IGSF21: variants seen among roughly 807,000 people sequenced by gnomAD.
The protein encoded by IGSF21 is immunoglobin superfamily member 21.
Under a neutral mutation model 46.8 loss-of-function variants are expected in IGSF21, and 28 were observed. The ratio of observed to expected loss-of-function variants is 0.60; its 90% confidence interval spans 0.44 to 0.82. The LOEUF is 0.82. Among genes scored for constraint, IGSF21 ranks in the 40% least tolerant of loss-of-function variants. The probability of loss-of-function intolerance (pLI) is 0.00; values close to 1 mark genes in which losing one functional copy is unlikely to be tolerated. For synonymous variants in IGSF21, 284 were observed against 273.6 expected, an observed-to-expected ratio of 1.04 and a Z score of -0.38; for missense variants, 624 against 665.5, an observed-to-expected ratio of 0.94 and a Z score of 0.69.
chr1:18,312,188 A>G (rs1569786959), intron 3 of IGSF21, among the ~76,000 whole-genome samples: 1 of 152,178 alleles, frequency 6.6e-6, no homozygotes, highest in Admixed American at 6.5e-5. Context: ...CATCTTTAGC[A>G]CCTGGTAGGT....
At chr1:18,212,841 C>G (rs1195070146) in intron 1 of IGSF21, among the ~76,000 whole-genome samples, 1 of 124,098 alleles carries the variant, frequency 8.1e-6, no homozygotes, top group Non-Finnish European at 1.9e-5. Context: ...AGGATTGACC[C>G]AGGGTTAAGA....
At chr1:18,169,293 A>G (rs150530416) in intron 1 of IGSF21, among the ~76,000 whole-genome samples, 3 of 152,318 alleles carry the variant, frequency 2.0e-5, no homozygotes, top group Non-Finnish European at 4.4e-5. Context: ...CTGAGGGTGG[A>G]GGAAGAGCAG....
chr1:18,338,899 G>C (rs949277193), intron 4 of IGSF21, among the ~76,000 whole-genome samples: 3 of 151,856 alleles, frequency 2.0e-5, no homozygotes, highest in Non-Finnish European at 4.4e-5. Context: ...TGCAGGTTAG[G>C]GGGGAGGGAG....
chr1:18,189,135 C>G (rs2086931454), intron 1 of IGSF21, among the ~76,000 whole-genome samples: 2 of 152,206 alleles, frequency 1.3e-5, no homozygotes, highest in African/African-American at 4.8e-5. Context: ...GGCAGCAGGC[C>G]CAAGGCCTCA....
intron 1 of IGSF21, among the ~76,000 whole-genome samples, chr1:18,151,967 C>T (rs1404410872): frequency 6.6e-6 from 1 of 152,124 alleles, no homozygotes; most frequent in Admixed American, 6.5e-5. Context: ...CACGTGGTCA[C>T]CCTACTCATC....
At chr1:18,277,701 G>T (rs1346472947) in intron 2 of IGSF21, among the ~76,000 whole-genome samples, 1 of 152,078 alleles carries the variant, frequency 6.6e-6, no homozygotes, top group East Asian at 1.9e-4. Context: ...GTGATTAAAA[G>T]GAATAAACCA....
chr1:18,350,521 C>T (rs1329140202), intron 4 of IGSF21, among the ~76,000 whole-genome samples: 1 of 152,160 alleles, frequency 6.6e-6, no homozygotes, highest in African/African-American at 2.4e-5. Context: ...ATCAAGCAAA[C>T]GCAGTTCAAT....
intron 1 of IGSF21, among the ~76,000 whole-genome samples, chr1:18,154,165 T>TATCGCCTTCACC (rs1553149709): frequency 4.6e-5 from 7 of 152,146 alleles, no homozygotes; most frequent in Admixed American, 2.6e-4. Context: ...CACCCTTCCC[T>TATCGCCTTCACC]ATCGCCTTCA....
At chr1:18,378,164 T>G in intron 9 of IGSF21, 92 bp from the exon 10 acceptor site, 1 of 1,050,428 alleles carries the variant, frequency 9.5e-7, no homozygotes, top group Non-Finnish European at 1.5e-6. Context: ...GATGCTGAAA[T>G]CCAGCGTCTT....
At chr1:18,165,994 A>G (rs2124451233) in intron 1 of IGSF21, among the ~76,000 whole-genome samples, 1 of 151,326 alleles carries the variant, frequency 6.6e-6, no homozygotes, top group South Asian at 2.2e-4. Flanking sequence ...AGTAAGGTAG[A>G]TGTGTCAGGT....
chr1:18,347,705 T>C (rs2085908534), intron 4 of IGSF21, among the ~76,000 whole-genome samples: 1 of 152,206 alleles, frequency 6.6e-6, no homozygotes, highest in Non-Finnish European at 1.5e-5. Flanking sequence ...TGTGACTGGA[T>C]GAAGCAGACA....
chr1:18,217,001 C>A (rs1456583823), intron 1 of IGSF21, among the ~76,000 whole-genome samples: 1 of 152,124 alleles, frequency 6.6e-6, no homozygotes, highest in East Asian at 1.9e-4. Flanking sequence ...CCTGTTATCA[C>A]ATGGAGATAA....
At chr1:18,132,665 A>G (rs2086332175) in intron 1 of IGSF21, among the ~76,000 whole-genome samples, 1 of 152,044 alleles carries the variant, frequency 6.6e-6, no homozygotes, top group African/African-American at 2.4e-5. Context: ...CCTGGCAAAG[A>G]CTGAGAGTTG....
intron 2 of IGSF21, among the ~76,000 whole-genome samples, chr1:18,247,453 G>A (rs957414186): frequency 6.6e-6 from 1 of 152,096 alleles, no homozygotes; most frequent in Non-Finnish European, 1.5e-5. Context: ...CTTTGAGTGT[G>A]AGCTTCTGGA....
chr1:18,341,695 G>C (rs1486423951), intron 4 of IGSF21, among the ~76,000 whole-genome samples: 1 of 152,232 alleles, frequency 6.6e-6, no homozygotes, highest in Non-Finnish European at 1.5e-5. Context: ...GTGTGTGGCA[G>C]GGCAGGGGTA....
intron 8 of IGSF21, 39 bp downstream of exon 8, chr1:18,377,031 A>T: frequency 6.4e-7 from 1 of 1,555,148 alleles, no homozygotes; most frequent in Non-Finnish European, 8.7e-7. Flanking sequence ...GAACAACCAC[A>T]GGGGCGGGTC....
intron 1 of IGSF21, among the ~76,000 whole-genome samples, chr1:18,149,132 A>G (rs970751450): frequency 2.0e-5 from 3 of 152,184 alleles, no homozygotes; most frequent in African/African-American, 7.2e-5. Flanking sequence ...AACAGCTGGG[A>G]CAGGCGTGTC....
At chr1:18,303,333 G>T (rs2085379291) in intron 3 of IGSF21, among the ~76,000 whole-genome samples, 1 of 152,194 alleles carries the variant, frequency 6.6e-6, no homozygotes, top group Admixed American at 6.5e-5. Context: ...GCCCAGAGAA[G>T]AGAAGCGACT....
intron 2 of IGSF21, among the ~76,000 whole-genome samples, chr1:18,256,291 A>C (rs951309601): frequency 6.6e-6 from 1 of 152,226 alleles, no homozygotes; most frequent in South Asian, 2.1e-4. Context: ...ACGCAACTGC[A>C]CTGCAATGGT....
Sources: gnomAD v4.1 joint callset for allele counts (sites outside exome capture counted in the v4.1 genomes callset) on GRCh38, gnomAD v4.1.1 for gene constraint, MANE v1.5 for transcripts, NCBI Gene and HGNC (gene_info 2026-07-23, HGNC 2026-07-21) for gene names.